The following FBXO44 variants were observed in gnomAD, a reference collection of about 807,000 sequenced individuals.
FBXO44 encodes F-box only protein 44.
A neutral mutation model predicts 33.5 loss-of-function variants in FBXO44; 25 were observed. The ratio of observed to expected loss-of-function variants is 0.75; its 90% CI spans 0.54 to 1.04. The LOEUF (loss-of-function observed/expected upper bound fraction) is 1.04, where lower values mean the gene tolerates loss of function less well. FBXO44 is among the 50% of genes least tolerant of loss of function. The probability of loss-of-function intolerance (pLI) is 0.00; values close to 1 mark genes in which losing one functional copy is unlikely to be tolerated. For missense variants in FBXO44, 311 were observed against 344.0 expected, an observed-to-expected ratio of 0.90 and a Z score of 0.76; for synonymous variants, 147 against 152.8, an observed-to-expected ratio of 0.96 and a Z score of 0.28.
intron 2 of FBXO44, 104 bp downstream of exon 2, chr1:11,656,204 C>A: frequency 6.8e-7 from 1 of 1,461,184 alleles, no homozygotes; most frequent in Non-Finnish European, 9.2e-7. Context: ...TGGTTTAACA[C>A]CTTTACTTCT....
At chr1:11,654,416 C>T, upstream of FBXO44, 6 of 1,304,530 alleles carry the variant, frequency 4.6e-6, no homozygotes, top group Non-Finnish European at 4.9e-6. Flanking sequence ...CGAGTCCCGG[C>T]GCTGTCCGCG....
At chr1:11,658,706 G>A (rs773242935) in intron 4 of FBXO44, 30 bp from the exon 5 acceptor site, 12 of 1,612,006 alleles carry the variant, frequency 7.4e-6, no homozygotes, top group Admixed American at 5.0e-5. Flanking sequence ...CAATCTCCGA[G>A]GCCCTGATGG....
At chr1:11,660,841 A>G (rs1371506012) in intron 5 of FBXO44, among the ~76,000 whole-genome samples, 1 of 152,096 alleles carries the variant, frequency 6.6e-6, no homozygotes, top group Non-Finnish European at 1.5e-5. Context: ...GCTGGAGCGC[A>G]GTGACGTGAT....
rs1570256034 is a variant in FBXO44, at chr1:11,661,536, T to G, written c.*263T>G. 4.1e-6 allele frequency: 2 copies of G among 492,866 alleles called. No homozygotes were observed. The highest frequency in any genetic ancestry group is 6.1e-5 in the East Asian group (2 of 32,536). The allele number at this position is 492,866 out of a possible 1,614,324, so 30.5% of individuals were successfully genotyped here. The stretch of plus-strand genomic sequence containing the variant: ...TTTCAGAGACGGAGCACCTGAGATG[T>G]GGGAGGTGCAGCATGTTCCCCTGGG... On this transcript the variant is annotated 3_prime_UTR_variant, in exon 6 of 6. Coordinates refer to ENST00000251547, the MANE Select transcript of FBXO44 (RefSeq NM_033182.7). The surrounding 1 kb of genome is among the most constrained non-coding windows in gnomAD (Gnocchi z 4.4).
At chr1:11,660,165 T>TTC (rs1640089983) in intron 5 of FBXO44, among the ~76,000 whole-genome samples, 1 of 151,966 alleles carries the variant, frequency 6.6e-6, no homozygotes. Flanking sequence ...TTTTACTTAA[T>TTC]TTTTTTTTCT....
At chr1:11,656,673 G>C (rs1034119695) in intron 2 of FBXO44, among the ~76,000 whole-genome samples, 1 of 152,098 alleles carries the variant, frequency 6.6e-6, no homozygotes, top group African/African-American at 2.4e-5. Context: ...ATGTTGGCCA[G>C]GCTGGTCTCA....
Position 11,661,568 on chromosome 1 carries a change from A to C in FBXO44, c.*295A>C. ...TGCAGCATGTTCCCCTGGGCCCCTC[A>C]GAAAGTCGAGCTTGGAGGCCAGCCT... On this transcript the variant is annotated 3_prime_UTR_variant, in exon 6 of 6. Transcript: ENST00000251547. This position sits in a 1 kb window ranked among gnomAD's most constrained non-coding sequence, Gnocchi z 4.4. 2.4e-6 allele frequency: 1 copy of C among 414,846 alleles called. No individual in the cohort carries two copies. The highest frequency in any genetic ancestry group is 3.6e-5 in the East Asian group (1 of 27,806). The allele number at this position is 414,846 out of a possible 1,614,324, so 25.7% of individuals were successfully genotyped here.
chr1:11,656,308 ACTC>A (rs1287275998), intron 2 of FBXO44, among the ~76,000 whole-genome samples: 17 of 118,784 alleles, frequency 1.4e-4, no homozygotes, highest in Middle Eastern at 4.7e-3. Flanking sequence ...TTCTTACTAT[ACTC>A]TTTTTTTTTT....
At chr1:11,657,664 C>T (rs1639895948) in intron 2 of FBXO44, among the ~76,000 whole-genome samples, 1 of 152,074 alleles carries the variant, frequency 6.6e-6, no homozygotes, top group African/African-American at 2.4e-5. Flanking sequence ...TCACTGGAAC[C>T]CAGGAGGCAG....
At position 11,662,429 on chromosome 1, in the gene FBXO44, G is replaced by T. The variant is rs1339053079; in HGVS notation, c.*1156G>T. On this transcript the variant is annotated 3_prime_UTR_variant, in exon 6 of 6. Coordinates refer to ENST00000251547, the MANE Select transcript of FBXO44 (RefSeq NM_033182.7). ...AGGAACCAGGCCATCACAGAAACAG[G>T]TTCATGGGCAGACCCCTCAGTGAGC... The T allele has an allele frequency of 6.6e-6, 1 of 152,252 alleles. No individual in the cohort carries two copies. Among genetic ancestry groups the T allele is most frequent in the Admixed American group, 6.5e-5 (1 of 15,282 alleles). The allele number at this position is 152,252 out of a possible 1,614,324, so 9.4% of individuals were successfully genotyped here.
intron 1 of FBXO44, chr1:11,655,271 G>T (rs1160606318): frequency 6.7e-6 from 1 of 150,100 alleles, no homozygotes; most frequent in Non-Finnish European, 1.5e-5. Context: ...GGGAGTGGGG[G>T]TGGGGAGATA....
At position 11,658,540 on chromosome 1, in the gene FBXO44, C is replaced by A; in HGVS notation, c.400C>A (p.Leu134Ile). ...CCCTCTGCCTGCCCCCAGCACCTGCCTCAAGTCCCAGGTGGTGGACCTCAA... is the reference window on the plus strand; with the variant it reads ...CCCTCTGCCTGCCCCCAGCACCTGCATCAAGTCCCAGGTGGTGGACCTCAA... ...KYFVTSYYTC[L>I]KSQVVDLKAE... Residue 134 changes from leucine (L) to isoleucine (I), a missense_variant, in exon 4 of 6, where the codon CTC (leucine) becomes ATC (isoleucine). Physicochemically the swap from Leu to Ile is conservative, Grantham distance 5. Coordinates refer to ENST00000251547, the MANE Select transcript of FBXO44 (RefSeq NM_033182.7). 1 of 1,612,822 alleles carries A rather than the reference C, an allele frequency of 6.2e-7. No homozygotes were observed. The highest frequency in any genetic ancestry group is 1.3e-5 in the African/African-American group (1 of 75,014).
chr1:11,658,305 G>A lies in FBXO44; in HGVS notation c.304G>A (p.Asp102Asn), dbSNP rs758615313. Residue 102 changes from aspartate (D) to asparagine (N), a missense_variant, in exon 3 of 6, where the codon GAT becomes AAT. By Grantham distance (23) the Asp-to-Asn change is conservative. Transcript: ENST00000251547. ...CTGGAGCCTGGATGTGAATGGAGGC[G>A]ATGAGTGGAAGGTGGAGGATCTCTC... Reference protein sequence around the residue: ...EFWSLDVNGGDEWKVEDLSRD... With the variant: ...EFWSLDVNGGNEWKVEDLSRD... 24 of 1,613,578 alleles carry A rather than the reference G, an allele frequency of 1.5e-5. No homozygotes were observed. The highest frequency in any genetic ancestry group is 1.3e-4 in the African/African-American group (10 of 74,874).
rs1321619573 is a variant in FBXO44, at chr1:11,658,641, G to A, written c.488+13G>A. The stretch of plus-strand genomic sequence containing the variant: ...AGGTCAAGGACTGGTGAGTGCCTGG[G>A]GCGAGGGTCTGGGGTGGGGCATGCC... On this transcript the variant is annotated intron_variant, in intron 4 of 5. Transcript: ENST00000251547. 6.2e-7 allele frequency: 1 copy of A among 1,613,024 alleles called. No individual in the cohort carries two copies. The highest frequency in any genetic ancestry group is 8.5e-7 in the Non-Finnish European group (1 of 1,179,814).
chr1:11,658,715 G>C lies in FBXO44; in HGVS notation c.489-21G>C, dbSNP rs1453749616. On this transcript the variant is annotated intron_variant, in intron 4 of 5. Transcript: ENST00000251547. Reference sequence around the variant, plus strand: ...TGCCCCCAATCTCCGAGGCCCTGATGGGCCCTCCCTCTCCCTGCAGGTTCG... The same window carrying C: ...TGCCCCCAATCTCCGAGGCCCTGATCGGCCCTCCCTCTCCCTGCAGGTTCG... 3 of 1,602,928 alleles carry C rather than the reference G, an allele frequency of 1.9e-6. No individual in the cohort carries two copies. In the South Asian group the frequency reaches 3.3e-5, roughly 18 times the overall value.
chr1:11,659,732 G>A (rs1640066593), intron 5 of FBXO44, among the ~76,000 whole-genome samples: 1 of 152,198 alleles, frequency 6.6e-6, no homozygotes, highest in Non-Finnish European at 1.5e-5. Context: ...CTGGCCTCAA[G>A]TCATCCTTCT....
Position 11,658,795 on chromosome 1 carries a change from C to A in FBXO44, c.548C>A (p.Ser183Tyr). Residue 183 changes from serine to tyrosine, a missense_variant, in exon 5 of 6, where the codon TCC becomes TAC. Ser to Tyr is a moderately radical substitution (Grantham distance 144). Coordinates refer to ENST00000251547, the MANE Select transcript of FBXO44 (RefSeq NM_033182.7). ...CAGCTGTGCGTTCAGCTCCTGTCGT[C>A]CGCGCACGCGCCTCTGGGGACCTTC... ...KYQLCVQLLS[S>Y]AHAPLGTFQP... is the part of the protein sequence containing the mutation. 6.2e-7 allele frequency: 1 copy of A among 1,613,902 alleles called. No homozygotes were observed.
upstream of FBXO44, chr1:11,654,826 G>GGCGGGGCGCGGGGCGGGGC (rs1553164389): frequency 6.0e-4 from 87 of 144,446 alleles, 1 homozygote; most frequent in Admixed American, 4.6e-3. Context: ...CGCTGCGCGG[G>GGCGGGGCGCGGGGCGGGGC]GCGGGGCGCG....
chr1:11,656,847 A>G (rs1320414198), intron 2 of FBXO44, among the ~76,000 whole-genome samples: 1 of 152,194 alleles, frequency 6.6e-6, no homozygotes, highest in East Asian at 1.9e-4. Context: ...TCTGCTCAAG[A>G]CACAAGGCCA....
Sources: allele counts gnomAD v4.1 joint callset (sites outside exome capture counted in the v4.1 genomes callset), GRCh38; gene constraint gnomAD v4.1.1; non-coding constraint Gnocchi (gnomAD v3.1); transcripts MANE v1.5; gene names NCBI Gene and HGNC (gene_info 2026-07-23, HGNC 2026-07-21).